The following UVRAG variants were observed in gnomAD, a reference collection of about 807,000 sequenced individuals.
UVRAG encodes the protein UV radiation resistance associated.
UVRAG carries 19 observed loss-of-function variants against 78.0 expected under a neutral mutation model. The ratio of observed to expected loss-of-function variants is 0.24; its 90% CI spans 0.17 to 0.36. The LOEUF (loss-of-function observed/expected upper bound fraction) is 0.36, where lower values mean the gene tolerates loss of function less well. UVRAG is among the 10% of genes least tolerant of loss of function. The pLI is 1.00. For synonymous variants in UVRAG, 323 were observed against 324.6 expected (o/e 1.00, Z 0.05); for missense variants, 740 against 853.8 (o/e 0.87, Z 1.66).
At chr11:75,846,567 A>G (rs1300831611) in intron 1 of UVRAG, among the ~76,000 whole-genome samples, 1 of 151,988 alleles carries the variant, frequency 6.6e-6, no homozygotes, top group African/African-American at 2.4e-5. Flanking sequence ...AATTTTTGTG[A>G]AAAGTATAAA....
At chr11:75,931,615 C>T (rs139148874) in intron 6 of UVRAG, among the ~76,000 whole-genome samples, 1 of 152,186 alleles carries the variant, frequency 6.6e-6, no homozygotes, top group Non-Finnish European at 1.5e-5. Context: ...CAGTCACAGC[C>T]CTTAGTAATA....
chr11:75,860,469 C>T (rs1297065199), intron 2 of UVRAG, among the ~76,000 whole-genome samples: 2 of 152,000 alleles, frequency 1.3e-5, no homozygotes, highest in Middle Eastern at 3.2e-3. Context: ...TGTAAAAATA[C>T]CCTGTAATAA....
chr11:75,992,697 G>A lies in UVRAG; in HGVS notation c.826+9184G>A, dbSNP rs184615805. 3.9e-5 allele frequency among the ~76,000 whole-genome samples: 6 copies of A among 152,230 alleles called. No individual in the cohort carries two copies. The East Asian group carries it at 7.7e-4, about 20-fold the overall frequency. On this transcript the variant is annotated intron_variant, in intron 8 of 14. Transcript: ENST00000356136. Reference sequence around the variant, plus strand: ...GTGGCTGTGCTAGGTAACCAGATACGTACTTGTTCTTCAATATTCTATTCT... The same window carrying A: ...GTGGCTGTGCTAGGTAACCAGATACATACTTGTTCTTCAATATTCTATTCT...
chr11:75,903,733 CCTTCACTGG>C (rs1377017560), intron 5 of UVRAG, among the ~76,000 whole-genome samples: 1 of 152,132 alleles, frequency 6.6e-6, no homozygotes, highest in Non-Finnish European at 1.5e-5. Context: ...TCACTTGGAA[CCTTCACTGG>C]GTTGTGTTCT....
chr11:75,973,664 C>T (rs907939521), intron 7 of UVRAG, among the ~76,000 whole-genome samples: 3 of 152,086 alleles, frequency 2.0e-5, no homozygotes, highest in South Asian at 2.1e-4. Flanking sequence ...CCCATTAACT[C>T]GTCATTTACA....
At chr11:76,100,738 T>A (rs1214428117) in intron 13 of UVRAG, among the ~76,000 whole-genome samples, 2 of 152,126 alleles carry the variant, frequency 1.3e-5, no homozygotes, top group African/African-American at 4.8e-5. Context: ...ATAGTACTTT[T>A]TCTGTTCCTC....
chr11:75,889,042 A>T (rs2079421930), intron 5 of UVRAG, 139 bp downstream of exon 5: 1 of 547,406 alleles, frequency 1.8e-6, no homozygotes, highest in Non-Finnish European at 3.0e-6. Flanking sequence ...CTTAAGGTGG[A>T]TGCTTTTTAA....
chr11:75,826,651 A>G (rs920391463), intron 1 of UVRAG, among the ~76,000 whole-genome samples: 2 of 149,576 alleles, frequency 1.3e-5, no homozygotes, highest in African/African-American at 2.5e-5. Context: ...AGCTTAAATG[A>G]TCAGTCTTCC....
At chr11:76,022,719 A>C (rs1233490224) in intron 12 of UVRAG, among the ~76,000 whole-genome samples, 1 of 152,172 alleles carries the variant, frequency 6.6e-6, no homozygotes, top group African/African-American at 2.4e-5. Flanking sequence ...GCATTCCTCC[A>C]ATCTCTGCCT....
intron 7 of UVRAG, among the ~76,000 whole-genome samples, chr11:75,974,227 C>G (rs1949183937): frequency 6.6e-6 from 1 of 151,890 alleles, no homozygotes; most frequent in Non-Finnish European, 1.5e-5. Flanking sequence ...TGTTTCCTGA[C>G]TTTTTAATGA....
At chr11:75,973,922 A>G (rs1423237431) in intron 7 of UVRAG, among the ~76,000 whole-genome samples, 1 of 152,184 alleles carries the variant, frequency 6.6e-6, no homozygotes, top group Non-Finnish European at 1.5e-5. Context: ...TCCATGGTGT[A>G]TATGTGCCAC....
At chr11:75,881,798 C>A (rs1214546297) in intron 4 of UVRAG, among the ~76,000 whole-genome samples, 1 of 152,196 alleles carries the variant, frequency 6.6e-6, no homozygotes, top group Non-Finnish European at 1.5e-5. Flanking sequence ...TATTTGCTAT[C>A]ATCAGATATA....
At chr11:75,957,162 T>C (rs959244250) in intron 6 of UVRAG, among the ~76,000 whole-genome samples, 3 of 152,166 alleles carry the variant, frequency 2.0e-5, no homozygotes. Flanking sequence ...CAGGAGATAG[T>C]CCTACATTTT....
intron 13 of UVRAG, among the ~76,000 whole-genome samples, chr11:76,089,433 A>G (rs1186782629): frequency 1.3e-5 from 2 of 152,306 alleles, no homozygotes; most frequent in East Asian, 3.9e-4. Context: ...TTACTGGCTT[A>G]TATGTAATTC....
intron 5 of UVRAG, among the ~76,000 whole-genome samples, chr11:75,890,318 G>T (rs1444130883): frequency 3.3e-5 from 5 of 152,238 alleles, no homozygotes; most frequent in Non-Finnish European, 7.3e-5. Flanking sequence ...GGATCTTACA[G>T]TATACCAGAT....
intron 12 of UVRAG, among the ~76,000 whole-genome samples, chr11:76,037,346 C>CA (rs1433217664): frequency 1.3e-5 from 2 of 151,766 alleles, no homozygotes; most frequent in East Asian, 1.9e-4. Context: ...TCAATAGATA[C>CA]AAAAAAAGCA....
At chr11:75,963,015 T>A (rs535065477) in intron 7 of UVRAG, among the ~76,000 whole-genome samples, 66 of 152,296 alleles carry the variant, frequency 4.3e-4, no homozygotes, top group African/African-American at 1.5e-3. Context: ...AGAAAAATCA[T>A]TGGATTTTTG....
intron 8 of UVRAG, among the ~76,000 whole-genome samples, chr11:76,003,025 C>T (rs1949847389): frequency 6.6e-6 from 1 of 151,922 alleles, no homozygotes; most frequent in African/African-American, 2.4e-5. Flanking sequence ...CTACATTTAG[C>T]TGTCATCATG....
rs545054157 is a variant in UVRAG, at chr11:75,877,023, A to G, written c.271-2856A>G. Among the ~76,000 whole-genome samples, 1,259 of 151,166 alleles carry G rather than the reference A, an allele frequency of 8.3e-3. 22 individuals carry two copies. Among genetic ancestry groups the G allele is most frequent in the African/African-American group, 0.03 (1,207 of 40,816 alleles). On this transcript the variant is annotated intron_variant, in intron 3 of 14. Transcript: ENST00000356136. ...TTCCGCAGTGTTTGTGTCCCTGGGTACTTGAGATTAGGGAGTGGTGATGAC... is the reference window on the plus strand; with the variant it reads ...TTCCGCAGTGTTTGTGTCCCTGGGTGCTTGAGATTAGGGAGTGGTGATGAC...
Sources: gnomAD v4.1 joint callset for allele counts (sites outside exome capture counted in the v4.1 genomes callset) on GRCh38, gnomAD v4.1.1 for gene constraint, MANE v1.5 for transcripts, NCBI Gene and HGNC (gene_info 2026-07-23, HGNC 2026-07-21) for gene names.